PPARGC1B: variants seen among roughly 807,000 people sequenced by gnomAD.
PPARGC1B encodes peroxisome proliferator-activated receptor gamma coactivator 1-beta.
Under a neutral mutation model 101.6 loss-of-function variants are expected in PPARGC1B, and 34 were observed. The observed-to-expected ratio is 0.33, with a 90% CI of 0.25 to 0.45. PPARGC1B has a LOEUF of 0.45. PPARGC1B is among the 20% of genes least tolerant of loss of function. The pLI is 1.00. For synonymous variants in PPARGC1B, 548 were observed against 539.3 expected (o/e 1.02, Z -0.22); for missense variants, 1,234 against 1,317.6 (o/e 0.94, Z 0.98).
intron 1 of PPARGC1B, among the ~76,000 whole-genome samples, chr5:149,762,296 C>T (rs982040707): frequency 7.9e-5 from 12 of 151,872 alleles, no homozygotes; most frequent in African/African-American, 2.9e-4. Context: ...TTACAGGCGC[C>T]ACCATGCCCG....
At chr5:149,781,248 A>G (rs1561531513) in intron 1 of PPARGC1B, among the ~76,000 whole-genome samples, 1 of 151,294 alleles carries the variant, frequency 6.6e-6, no homozygotes, top group Non-Finnish European at 1.5e-5. Context: ...GAAAGATGGC[A>G]TGAGCTGGCC....
At chr5:149,806,283 C>T (rs1757596156) in intron 1 of PPARGC1B, among the ~76,000 whole-genome samples, 1 of 152,220 alleles carries the variant, frequency 6.6e-6, no homozygotes, top group Admixed American at 6.5e-5. Flanking sequence ...AGGCGGCAGT[C>T]AGCTCCAGGC....
rs1326347514 is a variant in PPARGC1B at position 149,730,431 on chromosome 5, C to A, written c.78+11C>A. On this transcript the variant is annotated intron_variant, in intron 1 of 11. Transcript: ENST00000309241. This position sits in a 1 kb window ranked among gnomAD's most constrained non-coding sequence, Gnocchi z 4.0. ...CTCGCTGACACGCAGGTACGGCCGG[C>A]TGGGGCTGCGGGCCCGGGGCCAGGG... 1 of 1,542,326 alleles carries A rather than the reference C, an allele frequency of 6.5e-7. No homozygotes were observed. The highest frequency in any genetic ancestry group is 8.7e-7 in the Non-Finnish European group (1 of 1,146,194).
At position 149,818,202 on chromosome 5, in the gene PPARGC1B, A is replaced by G. The variant is rs2112231; in HGVS notation, c.79-2231A>G. Among the ~76,000 whole-genome samples the G allele has an allele frequency of 8.5e-4, 130 of 152,314 alleles. No homozygotes were observed. In the Middle Eastern group the frequency reaches 0.01, roughly 12 times the overall value. ...TGTCCCTCTCATCTTCAGATTCCCAATCAGGTTCAGAAGTGTTCTGCTCTT... is the reference window on the plus strand; with the variant it reads ...TGTCCCTCTCATCTTCAGATTCCCAGTCAGGTTCAGAAGTGTTCTGCTCTT... On this transcript the variant is annotated intron_variant, in intron 1 of 11. Transcript: ENST00000309241.
rs936735095 is a variant in PPARGC1B at position 149,847,825 on chromosome 5, C to T, written c.*267C>T. On this transcript the variant is annotated 3_prime_UTR_variant, in exon 12 of 12. Transcript: ENST00000309241. ...CTTCCAACGGGTTGTCCCGGGTGCA[C>T]CTCGAAGTGCCGGGTCCGTCACCCA... The T allele has an allele frequency of 7.0e-5, 33 of 473,422 alleles. No individual in the cohort carries two copies. The highest frequency in any genetic ancestry group is 1.5e-5 in the Non-Finnish European group (4 of 264,574). The allele number at this position is 473,422 out of a possible 1,614,324, so 29.3% of individuals were successfully genotyped here.
chr5:149,783,521 A>G (rs1756671189), intron 1 of PPARGC1B, among the ~76,000 whole-genome samples: 1 of 152,170 alleles, frequency 6.6e-6, no homozygotes, highest in African/African-American at 2.4e-5. Context: ...GTCCAGTCAG[A>G]TGGGGGAGAC....
chr5:149,738,994 A>T (rs1754821878), intron 1 of PPARGC1B, among the ~76,000 whole-genome samples: 1 of 152,162 alleles, frequency 6.6e-6, no homozygotes, highest in African/African-American at 2.4e-5. Flanking sequence ...TATTCCTACA[A>T]CTGGATTGAA....
chr5:149,829,588 G>A (rs192765649), intron 3 of PPARGC1B, among the ~76,000 whole-genome samples: 156 of 152,000 alleles, frequency 1.0e-3, no homozygotes, highest in Non-Finnish European at 1.5e-3. Flanking sequence ...GATCTCCGGC[G>A]GAAAATCTAG....
In PPARGC1B at chr5:149,769,385, C is replaced by A. The variant is rs1756037682; in HGVS notation, c.78+38965C>A. On this transcript the variant is annotated intron_variant, in intron 1 of 11. Coordinates refer to ENST00000309241, the MANE Select transcript of PPARGC1B (RefSeq NM_133263.4). ...GGTCTGCACTGCATAACGTCTTATACTTTTCTCACTTACAAATGACAATGG... is the reference window on the plus strand; with the variant it reads ...GGTCTGCACTGCATAACGTCTTATAATTTTCTCACTTACAAATGACAATGG... Among the ~76,000 whole-genome samples the A allele has an allele frequency of 3.9e-5, 6 of 152,328 alleles. No homozygotes were observed. In the South Asian group the frequency reaches 1.2e-3, roughly 32 times the overall value.
rs17110512 is a variant in PPARGC1B at position 149,817,496 on chromosome 5, G to A, written c.79-2937G>A. ...GATCCTGTCTCTAAACACAAAGAGC[G>A]TGAAAAGATAGATTTTGTTTCCTGT... On this transcript the variant is annotated intron_variant, in intron 1 of 11. Transcript: ENST00000309241. 8.2e-3 allele frequency: 2,795 copies of A among 341,024 alleles called. 53 individuals carry two copies. Among genetic ancestry groups the A allele is most frequent in the African/African-American group, 0.052 (2,413 of 46,588 alleles). The allele number at this position is 341,024 out of a possible 1,614,324, so 21.1% of individuals were successfully genotyped here.
intron 2 of PPARGC1B, among the ~76,000 whole-genome samples, chr5:149,821,001 G>C (rs1561586221): frequency 6.6e-6 from 1 of 152,174 alleles, no homozygotes; most frequent in Non-Finnish European, 1.5e-5. Flanking sequence ...GCTTGGAAAA[G>C]TTAAGTCATG....
chr5:149,829,584 C>T (rs1758661323), intron 3 of PPARGC1B, among the ~76,000 whole-genome samples: 2 of 151,872 alleles, frequency 1.3e-5, no homozygotes, highest in Non-Finnish European at 2.9e-5. Flanking sequence ...CTAGGATCTC[C>T]GGCGGAAAAT....
At chr5:149,768,416 AGGC>A (rs1755996195) in intron 1 of PPARGC1B, among the ~76,000 whole-genome samples, 1 of 149,856 alleles carries the variant, frequency 6.7e-6, no homozygotes, top group African/African-American at 2.5e-5. Flanking sequence ...CTGGGACTAT[AGGC>A]ACGTGCCACC....
At position 149,833,273 on chromosome 5, in the gene PPARGC1B, C is replaced by A. The variant is rs377087570; in HGVS notation, c.1200C>A (p.Pro400=). 6.2e-7 allele frequency: 1 copy of A among 1,613,386 alleles called. No individual in the cohort carries two copies. Among genetic ancestry groups the A allele is most frequent in the Non-Finnish European group, 8.5e-7 (1 of 1,180,002 alleles). The part of the protein sequence containing the change: ...SVEEVRIAAS[P]KSTGPRPSLR... Reference sequence around the variant, plus strand: ...AGGAGGTAAGGATCGCAGCTTCACCCAAGAGCACCGGGCCCAGACCAAGCC... The same window carrying A: ...AGGAGGTAAGGATCGCAGCTTCACCAAAGAGCACCGGGCCCAGACCAAGCC... The change falls in exon 5 of 12, where the codon CCC becomes CCA. Residue 400 remains proline (P), a synonymous_variant. Coordinates refer to ENST00000309241, the MANE Select transcript of PPARGC1B (RefSeq NM_133263.4). This position sits in a 1 kb window ranked among gnomAD's most constrained non-coding sequence, Gnocchi z 4.1.
chr5:149,840,102 C>T lies in PPARGC1B; in HGVS notation c.2680C>T (p.Arg894Trp), dbSNP rs182592244. 3.3e-5 allele frequency: 54 copies of T among 1,612,502 alleles called. No individual in the cohort carries two copies. The highest frequency in any genetic ancestry group is 2.0e-4 in the African/African-American group (15 of 74,980). Residue 894 changes from arginine (R) to tryptophan (W), a missense_variant, in exon 9 of 12, where the codon CGG becomes TGG. This residue lies in a region of PPARGC1B where 497 missense variants were observed against 529.5 expected (regional missense o/e 0.94). Coordinates refer to ENST00000309241, the MANE Select transcript of PPARGC1B (RefSeq NM_133263.4). ...AAGCATCCGGCACGCCAGGAAGCGG[C>T]GGGAAAAGGCCATTGTAAGTGATCT... is the stretch of plus-strand genomic sequence containing the variant. The part of the protein sequence containing the change: ...TPSIRHARKR[R>W]EKAIGEGRVV...
chr5:149,790,484 C>A (rs1219126248), intron 1 of PPARGC1B, among the ~76,000 whole-genome samples: 2 of 152,082 alleles, frequency 1.3e-5, no homozygotes, highest in African/African-American at 4.8e-5. Flanking sequence ...ACTGCTGTAG[C>A]CCCAAACCAG....
At chr5:149,733,018 T>C in intron 1 of PPARGC1B, 1 of 201,996 alleles carries the variant, frequency 5.0e-6, no homozygotes, top group South Asian at 5.7e-5. Context: ...AATGGCCTGG[T>C]GGTGGGGGTG....
Position 149,824,029 on chromosome 5 carries a change from T to C in PPARGC1B, c.253-2644T>C, listed in dbSNP as rs141032558. On this transcript the variant is annotated intron_variant, in intron 2 of 11. Coordinates refer to ENST00000309241, the MANE Select transcript of PPARGC1B (RefSeq NM_133263.4). Reference sequence around the variant, plus strand: ...CAAAAATAATGGCAGATAGATTTCCTTGTGAGTGCCAACTGTGATTGATTG... The same window carrying C: ...CAAAAATAATGGCAGATAGATTTCCCTGTGAGTGCCAACTGTGATTGATTG... 4.1e-4 allele frequency among the ~76,000 whole-genome samples: 62 copies of C among 152,212 alleles called. No homozygotes were observed. The East Asian group carries it at 0.011, about 27-fold the overall frequency.
At chr5:149,803,093 C>T (rs2113297004) in intron 1 of PPARGC1B, among the ~76,000 whole-genome samples, 1 of 152,322 alleles carries the variant, frequency 6.6e-6, no homozygotes, top group East Asian at 1.9e-4. Context: ...GCTGACCCTG[C>T]ATGTCTCAGG....
Sources: gnomAD v4.1 joint callset for allele counts (sites outside exome capture counted in the v4.1 genomes callset) on GRCh38, gnomAD v4.1.1 for gene constraint, gnomAD v4.1.1 regional missense constraint, Gnocchi (gnomAD v3.1) non-coding constraint, MANE v1.5 for transcripts, NCBI Gene and HGNC (gene_info 2026-07-23, HGNC 2026-07-21) for gene names.